Variants in LRRC43 observed in about 807,000 individuals in gnomAD.
LRRC43 encodes the protein leucine-rich repeat-containing protein 43.
Under a neutral mutation model 64.3 loss-of-function variants are expected in LRRC43, and 62 were observed. The ratio of observed to expected loss-of-function variants is 0.96; its 90% confidence interval spans 0.79 to 1.19. The LOEUF (loss-of-function observed/expected upper bound fraction) is 1.19, where lower values mean the gene tolerates loss of function less well. Ranked by LOEUF, LRRC43 falls within the 50% of genes most tolerant of loss-of-function variation. The pLI is 0.00. For synonymous variants in LRRC43, 422 were observed against 382.3 expected, an observed-to-expected ratio of 1.10 and a Z score of -1.21; for missense variants, 868 against 845.0, an observed-to-expected ratio of 1.03 and a Z score of -0.34.
At chr12:122,191,290 C>A (rs1953714801) in intron 5 of LRRC43, 90 bp from the exon 6 acceptor site, 1 of 1,116,418 alleles carries the variant, frequency 9.0e-7, no homozygotes, top group Non-Finnish European at 1.3e-6. Flanking sequence ...TGGAGAGAAT[C>A]TAGGGACCCG....
rs1236027989 is a variant in LRRC43, at chr12:122,186,303, G to A, written c.522+3G>A. On this transcript the variant is annotated splice_donor_region_variant and intron_variant, in intron 3 of 11. Coordinates refer to ENST00000339777, the MANE Select transcript of LRRC43 (RefSeq NM_001098519.2). Reference sequence around the variant, plus strand: ...CCAATCTGCCCCCCACACTCAAGGTGAAGGAGCCCCGGTCTGTGTTGAGTA... The same window carrying A: ...CCAATCTGCCCCCCACACTCAAGGTAAAGGAGCCCCGGTCTGTGTTGAGTA... The A allele has an allele frequency of 6.3e-7, 1 of 1,577,654 alleles. No homozygotes were observed. Among genetic ancestry groups the A allele is most frequent in the Non-Finnish European group, 8.6e-7 (1 of 1,157,774 alleles).
chr12:122,194,566 C>CAA (rs558202112), intron 7 of LRRC43, among the ~76,000 whole-genome samples: 13 of 93,736 alleles, frequency 1.4e-4, no homozygotes, highest in Non-Finnish European at 2.3e-4. Flanking sequence ...AGCTCCGTCT[C>CAA]AAAAAAAAAA....
rs200973658 is a variant in LRRC43, at chr12:122,193,485, A to G, written c.1349+481A>G. On this transcript the variant is annotated intron_variant, in intron 7 of 11. Transcript: ENST00000339777. The stretch of plus-strand genomic sequence containing the variant: ...CCCTCTTCTCTGGAGGGTTCAACTT[A>G]GCTAAATCCTTCTACTCTAACCATC... Among the ~76,000 whole-genome samples, 66 of 150,380 alleles carry G rather than the reference A, an allele frequency of 4.4e-4. No individual in the cohort carries two copies. The East Asian group carries it at 8.1e-3, about 18-fold the overall frequency.
chr12:122,195,653 C>G (rs1415736012), intron 7 of LRRC43, among the ~76,000 whole-genome samples: 1 of 152,130 alleles, frequency 6.6e-6, no homozygotes, highest in Non-Finnish European at 1.5e-5. Context: ...AGTCATTTTT[C>G]TCTTCCTGCT....
chr12:122,200,466 G>C lies in LRRC43; in HGVS notation c.1492-66G>C, dbSNP rs1275226211. ...CTCAGCGCCATTCCAGAAAGGGTGA[G>C]GGAGAGGTGACCCCAGGCAGCCCGC... On this transcript the variant is annotated intron_variant, in intron 8 of 11. Coordinates refer to ENST00000339777, the MANE Select transcript of LRRC43 (RefSeq NM_001098519.2). This position sits in a 1 kb window ranked among gnomAD's most constrained non-coding sequence, Gnocchi z 4.6. The C allele has an allele frequency of 6.2e-7, 1 of 1,611,746 alleles. No individual in the cohort carries two copies. The highest frequency in any genetic ancestry group is 1.3e-5 in the African/African-American group (1 of 74,878).
chr12:122,187,567 G>A, intron 3 of LRRC43, 134 bp from the exon 4 acceptor site: 1 of 638,250 alleles, frequency 1.6e-6, no homozygotes, highest in South Asian at 2.3e-5. Flanking sequence ...AAGGGAGTCG[G>A]GGTGGTGCCA....
At chr12:122,168,332 T>A (rs1222229719) in intron 1 of LRRC43, among the ~76,000 whole-genome samples, 1 of 151,546 alleles carries the variant, frequency 6.6e-6, no homozygotes, top group Non-Finnish European at 1.5e-5. Flanking sequence ...TCCCAGCTAC[T>A]TGGGAGGCTG....
chr12:122,170,611 A>G (rs1007887898), intron 1 of LRRC43, among the ~76,000 whole-genome samples: 12 of 152,144 alleles, frequency 7.9e-5, no homozygotes, highest in Non-Finnish European at 1.6e-4. Flanking sequence ...AGCCTGGGTG[A>G]CAGAGTGAGA....
At chr12:122,191,819 A>C (rs1016983998) in intron 6 of LRRC43, among the ~76,000 whole-genome samples, 2 of 151,742 alleles carry the variant, frequency 1.3e-5, no homozygotes, top group African/African-American at 4.8e-5. Context: ...AGGCCCAGCT[A>C]ATTTTTGTAT....
intron 1 of LRRC43, among the ~76,000 whole-genome samples, chr12:122,167,975 T>G (rs1004001758): frequency 2.0e-5 from 3 of 151,478 alleles, no homozygotes; most frequent in Non-Finnish European, 2.9e-5. Flanking sequence ...CCACCACACC[T>G]GGCTAATTTT....
At chr12:122,193,281 T>A (rs1216751495) in intron 7 of LRRC43, among the ~76,000 whole-genome samples, 1 of 147,564 alleles carries the variant, frequency 6.8e-6, no homozygotes, top group Non-Finnish European at 1.5e-5. Flanking sequence ...CTCGGGAGGC[T>A]GAGGCAGGAG....
At chr12:122,189,531 G>A (rs979859633) in intron 4 of LRRC43, 6 of 456,288 alleles carry the variant, frequency 1.3e-5, no homozygotes, top group Admixed American at 2.4e-5. Context: ...AAGTCACCCT[G>A]CCCCTGCCCT....
upstream of LRRC43, among the ~76,000 whole-genome samples, chr12:122,182,751 A>G (rs1953593609): frequency 6.6e-6 from 1 of 152,130 alleles, no homozygotes; most frequent in South Asian, 2.1e-4. Context: ...AAACAGTTAT[A>G]CAGGTGGACA....
intron 4 of LRRC43, among the ~76,000 whole-genome samples, chr12:122,188,386 C>T (rs903496397): frequency 2.6e-5 from 4 of 151,866 alleles, no homozygotes; most frequent in South Asian, 4.1e-4. Flanking sequence ...GGATTACAGG[C>T]GTGAGCCACT....
At chr12:122,174,134 G>A (rs1244711385) in intron 1 of LRRC43, 23 of 1,613,974 alleles carry the variant, frequency 1.4e-5, no homozygotes, top group East Asian at 1.1e-4. Context: ...CCAAGACTCC[G>A]GAAGCACCAG....
chr12:122,173,375 ATTTG>A (rs1270283934), intron 1 of LRRC43, among the ~76,000 whole-genome samples: 5 of 152,212 alleles, frequency 3.3e-5, no homozygotes, highest in Non-Finnish European at 7.3e-5. Flanking sequence ...AAGTTTGGGC[ATTTG>A]TTTGTTTGAT....
intron 1 of LRRC43, among the ~76,000 whole-genome samples, chr12:122,169,432 C>G (rs895006030): frequency 4.6e-5 from 7 of 152,028 alleles, no homozygotes; most frequent in Admixed American, 1.3e-4. Flanking sequence ...AATTAGAATT[C>G]TAGTTGGGCG....
upstream of LRRC43, among the ~76,000 whole-genome samples, chr12:122,181,406 G>T (rs1306869029): frequency 1.3e-5 from 2 of 151,234 alleles, no homozygotes; most frequent in Non-Finnish European, 2.9e-5. Flanking sequence ...AGCCGGGCTT[G>T]GTGGCGGGCG....
chr12:122,182,500 C>G (rs1171937442), upstream of LRRC43, among the ~76,000 whole-genome samples: 6 of 94,642 alleles, frequency 6.3e-5, no homozygotes, highest in Non-Finnish European at 9.5e-5. Context: ...CCAGCCTGGA[C>G]AACAAGAGTG....
Sources: allele counts gnomAD v4.1 joint callset (sites outside exome capture counted in the v4.1 genomes callset), GRCh38; gene constraint gnomAD v4.1.1; non-coding constraint Gnocchi (gnomAD v3.1); transcripts MANE v1.5; gene names NCBI Gene and HGNC (gene_info 2026-07-23, HGNC 2026-07-21).